The following MAPRE2 variants were observed in gnomAD, a reference collection of about 807,000 sequenced individuals.
MAPRE2 encodes the protein microtubule-associated protein RP/EB family member 2.
In MAPRE2, 13 loss-of-function variants were observed where a neutral mutation model predicts 43.2. That is an observed-to-expected ratio of 0.30 (90% CI 0.20 to 0.48). MAPRE2 has a LOEUF of 0.48. MAPRE2 is among the 20% of genes least tolerant of loss of function. The pLI, the probability that MAPRE2 is intolerant of heterozygous loss-of-function variation, is 0.99. For synonymous variants in MAPRE2, 135 were observed against 148.8 expected (o/e 0.91, Z 0.68); for missense variants, 161 against 400.2 (o/e 0.40, Z 5.10).
At chr18:35,017,119 A>G (rs1055199141) in intron 2 of MAPRE2, among the ~76,000 whole-genome samples, 1 of 150,908 alleles carries the variant, frequency 6.6e-6, no homozygotes, top group East Asian at 1.9e-4. Flanking sequence ...GTGTCCCTTT[A>G]TTTCTGAGTT....
intron 1 of MAPRE2, among the ~76,000 whole-genome samples, chr18:34,987,757 C>A (rs535279054): frequency 1.3e-5 from 2 of 152,094 alleles, no homozygotes; most frequent in Non-Finnish European, 2.9e-5. Flanking sequence ...ATCCTCCCAC[C>A]TCAGCCTCTT....
chr18:34,986,342 AG>A (rs1212306084), intron 1 of MAPRE2, among the ~76,000 whole-genome samples: 8 of 152,178 alleles, frequency 5.3e-5, no homozygotes, highest in African/African-American at 1.7e-4. Context: ...GATATGAAGA[AG>A]AAAAACCTTT....
intron 2 of MAPRE2, among the ~76,000 whole-genome samples, chr18:35,033,960 T>C (rs1222043852): frequency 1.0e-4 from 15 of 149,752 alleles, no homozygotes; most frequent in African/African-American, 3.4e-4. Context: ...ACAGATTCAA[T>C]GCCATCCCCA....
chr18:35,086,102 G>A (rs1438201072), intron 2 of MAPRE2, among the ~76,000 whole-genome samples: 2 of 152,084 alleles, frequency 1.3e-5, no homozygotes, highest in Non-Finnish European at 2.9e-5. Flanking sequence ...AGTGATATAG[G>A]CATCTCTGTA....
At chr18:35,001,488 T>TG (rs1365921193) in intron 1 of MAPRE2, among the ~76,000 whole-genome samples, 1 of 147,196 alleles carries the variant, frequency 6.8e-6, no homozygotes, top group East Asian at 2.0e-4. Flanking sequence ...CACTCCAGCC[T>TG]GGGCAACAGA....
intron 2 of MAPRE2, among the ~76,000 whole-genome samples, chr18:35,007,737 C>G (rs1183325948): frequency 1.3e-5 from 2 of 152,206 alleles, no homozygotes; most frequent in African/African-American, 2.4e-5. Flanking sequence ...TGGGTTGCAC[C>G]CTCCTTTATT....
intron 2 of MAPRE2, among the ~76,000 whole-genome samples, chr18:35,023,404 C>T (rs796704193): frequency 2.6e-5 from 4 of 151,744 alleles, no homozygotes; most frequent in African/African-American, 4.8e-5. Flanking sequence ...CCCAGCTACT[C>T]GGGTGGCTGA....
At chr18:35,035,471 C>A (rs1024862604) in intron 2 of MAPRE2, among the ~76,000 whole-genome samples, 1 of 151,738 alleles carries the variant, frequency 6.6e-6, no homozygotes, top group Non-Finnish European at 1.5e-5. Context: ...ATGTAACTAA[C>A]CTGCACATTG....
intron 4 of MAPRE2, among the ~76,000 whole-genome samples, chr18:35,116,113 A>G (rs941101997): frequency 6.6e-6 from 1 of 152,232 alleles, no homozygotes; most frequent in Admixed American, 6.5e-5. Context: ...TTCCTTCAGC[A>G]TATATAGGAA....
intron 2 of MAPRE2, among the ~76,000 whole-genome samples, chr18:35,095,054 C>G (rs1017953828): frequency 6.6e-6 from 1 of 152,096 alleles, no homozygotes; most frequent in Non-Finnish European, 1.5e-5. Context: ...TTTCCACCAA[C>G]ATTTGGAATG....
At chr18:35,139,850 C>T (rs148910780) in intron 6 of MAPRE2, among the ~76,000 whole-genome samples, 1 of 152,314 alleles carries the variant, frequency 6.6e-6, no homozygotes, top group African/African-American at 2.4e-5. Flanking sequence ...AAGCCCACAT[C>T]CCTATCCATT....
intron 1 of MAPRE2, among the ~76,000 whole-genome samples, chr18:34,999,370 G>A (rs1441667036): frequency 6.6e-6 from 1 of 152,040 alleles, no homozygotes; most frequent in Non-Finnish European, 1.5e-5. Context: ...TTTGTACATT[G>A]AGCACTATAA....
chr18:35,046,518 C>T (rs1344656745), intron 1 of MAPRE2, among the ~76,000 whole-genome samples: 2 of 152,072 alleles, frequency 1.3e-5, no homozygotes, highest in African/African-American at 4.8e-5. Flanking sequence ...GTGTGTTGGG[C>T]AGTGGTAGAA....
intron 1 of MAPRE2, among the ~76,000 whole-genome samples, chr18:34,981,864 A>ATTTTTTTTTTTATTTTTTTT (rs2097016387): frequency 1.4e-5 from 1 of 74,054 alleles, no homozygotes; most frequent in African/African-American, 3.3e-5. Flanking sequence ...GACTTTATTT[A>ATTTTTTTTTTTATTTTTTTT]TTTTTTTTTT....
In MAPRE2 at chr18:35,009,821, C is replaced by T. The variant is rs545034434; in HGVS notation, c.-8+4268C>T. On this transcript the variant is annotated intron_variant, in intron 2 of 7. Coordinates refer to the MAPRE2 transcript ENST00000413393. Reference sequence around the variant, plus strand: ...GAACCTCACTGATAATCTAATCCAACATCTCATTTTACAGATGAACATTCT... The same window carrying T: ...GAACCTCACTGATAATCTAATCCAATATCTCATTTTACAGATGAACATTCT... 4.6e-5 allele frequency among the ~76,000 whole-genome samples: 7 copies of T among 152,306 alleles called. No individual in the cohort carries two copies. The South Asian group carries it at 1.2e-3, about 27-fold the overall frequency.
intron 1 of MAPRE2, among the ~76,000 whole-genome samples, chr18:35,056,721 G>A (rs1348050999): frequency 1.3e-5 from 2 of 152,176 alleles, no homozygotes; most frequent in East Asian, 1.9e-4. Flanking sequence ...ACTAGGTCTT[G>A]TGGTAATTTC....
chr18:35,125,128 A>C (rs1310346869), intron 4 of MAPRE2, among the ~76,000 whole-genome samples: 1 of 152,172 alleles, frequency 6.6e-6, no homozygotes, highest in Non-Finnish European at 1.5e-5. Context: ...AAAATTTTTA[A>C]CAGAAAGGCT....
chr18:35,006,468 A>T (rs1238386945), intron 2 of MAPRE2, among the ~76,000 whole-genome samples: 1 of 152,272 alleles, frequency 6.6e-6, no homozygotes, highest in African/African-American at 2.4e-5. Flanking sequence ...TAAAAGCTCA[A>T]ATCATGAATA....
chr18:35,137,792 G>A (rs1397023288), intron 6 of MAPRE2, among the ~76,000 whole-genome samples: 3 of 152,152 alleles, frequency 2.0e-5, no homozygotes, highest in Non-Finnish European at 4.4e-5. Context: ...CAGAAACTGA[G>A]GATAGGAAGC....
Sources: allele counts gnomAD v4.1 joint callset (sites outside exome capture counted in the v4.1 genomes callset), GRCh38; gene constraint gnomAD v4.1.1; transcripts MANE v1.5; gene names NCBI Gene and HGNC (gene_info 2026-07-23, HGNC 2026-07-21).